CPNE3: variants seen among roughly 807,000 people sequenced by gnomAD.
CPNE3 encodes copine 3.
In CPNE3, 68 loss-of-function variants were observed where a neutral mutation model predicts 63.9. The observed-to-expected ratio is 1.06, with a 90% CI of 0.87 to 1.30. CPNE3 has a LOEUF of 1.30. Among genes scored for constraint, CPNE3 ranks in the 50% most tolerant of loss-of-function variants. The pLI is 0.00. For missense variants in CPNE3, 665 were observed against 578.1 expected, an observed-to-expected ratio of 1.15 and a Z score of -1.54; for synonymous variants, 219 against 197.5, an observed-to-expected ratio of 1.11 and a Z score of -0.91.
chr8:86,551,014 CAG>C, intron 12 of CPNE3, 30 bp from the exon 13 acceptor site: 3 of 1,519,208 alleles, frequency 2.0e-6, no homozygotes, highest in Non-Finnish European at 2.6e-6. Flanking sequence ...TTGGAAAAAA[CAG>C]TATTTTATTA....
Position 86,554,877 on chromosome 8 carries a change from C to G in CPNE3, c.1147C>G (p.Arg383Gly). The G allele has an allele frequency of 1.2e-6, 2 of 1,614,062 alleles. No homozygotes were observed. Among genetic ancestry groups the G allele is most frequent in the Non-Finnish European group, 8.5e-7 (1 of 1,179,968 alleles). Residue 383 changes from arginine to glycine, a missense_variant, in exon 15 of 17, where the codon CGG becomes GGG. Physicochemically the swap from Arg to Gly is moderately radical, Grantham distance 125. Coordinates refer to ENST00000517490, the MANE Select transcript of CPNE3 (RefSeq NM_003909.5). ...NGIQGIVEAY[R>G]SCLPQIKLYG... ...AATCCAAGGCATTGTAGAGGCGTATCGGTCTTGTCTTCCTCAGATAAAACT... is the reference window on the plus strand; with the variant it reads ...AATCCAAGGCATTGTAGAGGCGTATGGGTCTTGTCTTCCTCAGATAAAACT...
chr8:86,535,601 G>T (rs1232193221), intron 6 of CPNE3, among the ~76,000 whole-genome samples: 1 of 152,058 alleles, frequency 6.6e-6, no homozygotes. Flanking sequence ...CCAGGAGGGG[G>T]AGGTTACAGT....
intron 2 of CPNE3, among the ~76,000 whole-genome samples, chr8:86,523,895 G>A (rs1360950720): frequency 1.3e-5 from 2 of 152,280 alleles, no homozygotes; most frequent in East Asian, 3.9e-4. Flanking sequence ...GCCTGAAGTG[G>A]ATCTTGAAGA....
chr8:86,526,240 AT>A (rs1327297207), intron 2 of CPNE3, among the ~76,000 whole-genome samples: 2 of 152,026 alleles, frequency 1.3e-5, no homozygotes, highest in African/African-American at 4.8e-5. Context: ...AAAAAAAAAA[AT>A]TGGGTGTGTG....
At chr8:86,552,265 G>A (rs754415211) in intron 14 of CPNE3, among the ~76,000 whole-genome samples, 31 of 152,116 alleles carry the variant, frequency 2.0e-4, no homozygotes, top group Non-Finnish European at 2.8e-4. Context: ...AACAATTTTT[G>A]TGGCGGCCGT....
In CPNE3 at chr8:86,547,583, A is replaced by T. The variant is rs963720626; in HGVS notation, c.820-128A>T. 6 of 628,720 alleles carry T rather than the reference A, an allele frequency of 9.5e-6. No homozygotes were observed. The South Asian group carries it at 1.2e-4, about 12-fold the overall frequency. 38.9% of individuals were successfully genotyped at this position (628,720 alleles called of 1,614,324 possible). ...GAAGGGGTATCTTAAACCTGAATGC[A>T]GGGGTAATTTCCATGTTTATATCAT... On this transcript the variant is annotated intron_variant, in intron 10 of 16. Coordinates refer to ENST00000517490, the MANE Select transcript of CPNE3 (RefSeq NM_003909.5).
Position 86,551,058 on chromosome 8 carries a change from T to C in CPNE3, c.1026T>C (p.Phe342=), listed in dbSNP as rs906302857. 6.2e-7 allele frequency: 1 copy of C among 1,608,172 alleles called. No homozygotes were observed. Among genetic ancestry groups the C allele is most frequent in the Non-Finnish European group, 8.5e-7 (1 of 1,177,094 alleles). ...TTTTTCTTTTTAGTGATAAGATGTT[T>C]CCAGCTTTTGGTTTTGGCGCTCAGA... ...VIQDYDADKM[F]PAFGFGAQIP... The change falls in exon 13 of 17, where the codon TTT becomes TTC. Residue 342 remains phenylalanine (F), a synonymous_variant. Coordinates refer to ENST00000517490, the MANE Select transcript of CPNE3 (RefSeq NM_003909.5).
intron 2 of CPNE3, among the ~76,000 whole-genome samples, chr8:86,524,428 T>A (rs958651474): frequency 2.0e-5 from 3 of 152,232 alleles, no homozygotes; most frequent in Admixed American, 2.0e-4. Flanking sequence ...TATTTGGTGT[T>A]TCTAGGGATT....
intron 2 of CPNE3, among the ~76,000 whole-genome samples, chr8:86,527,839 A>C (rs998724130): frequency 6.6e-6 from 1 of 151,452 alleles, no homozygotes; most frequent in African/African-American, 2.4e-5. Context: ...TAAAAATAAA[A>C]CTTAATCTGT....
chr8:86,548,586 G>A (rs1821106287), intron 12 of CPNE3, 152 bp downstream of exon 12: 2 of 940,890 alleles, frequency 2.1e-6, no homozygotes, highest in Non-Finnish European at 3.1e-6. Flanking sequence ...TTTTCTCCTT[G>A]TGGCAATCTT....
At chr8:86,527,971 T>TA (rs1554600278) in intron 2 of CPNE3, among the ~76,000 whole-genome samples, 1 of 141,878 alleles carries the variant, frequency 7.0e-6, no homozygotes, top group African/African-American at 2.7e-5. Context: ...TTTTTTTTTT[T>TA]AGACAGAGTC....
At chr8:86,520,967 T>C (rs1312207076) in intron 2 of CPNE3, among the ~76,000 whole-genome samples, 1 of 152,162 alleles carries the variant, frequency 6.6e-6, no homozygotes, top group Admixed American at 6.6e-5. Flanking sequence ...TTGTTTTATG[T>C]ATATTTATGC....
chr8:86,525,560 A>G (rs1484813776), intron 2 of CPNE3, among the ~76,000 whole-genome samples: 3 of 152,196 alleles, frequency 2.0e-5, no homozygotes, highest in African/African-American at 7.2e-5. Flanking sequence ...CAGTAGTATA[A>G]CTGTCAGCAA....
rs1210353382 is a variant in CPNE3, at chr8:86,561,497, G to A, written c.*3087G>A. 1 of 152,096 alleles carries A rather than the reference G, an allele frequency of 6.6e-6. No individual in the cohort carries two copies. Among genetic ancestry groups the A allele is most frequent in the Non-Finnish European group, 1.5e-5 (1 of 68,022 alleles). 9.4% of individuals were successfully genotyped at this position (152,096 alleles called of 1,614,324 possible). A position where few individuals can be genotyped will look rare whatever the true frequency, so the allele number is the denominator to read the frequency against. ...AAAATAAAATATAGTGTTTTAGGTG[G>A]CCTTTGACTTCATATTTTACTGAAT... is the stretch of plus-strand genomic sequence containing the variant. On this transcript the variant is annotated 3_prime_UTR_variant, in exon 17 of 17. Coordinates refer to ENST00000517490, the MANE Select transcript of CPNE3 (RefSeq NM_003909.5).
At position 86,544,727 on chromosome 8, in the gene CPNE3, T is replaced by G; in HGVS notation, c.634-13T>G. 7.7e-7 allele frequency: 1 copy of G among 1,291,436 alleles called. No homozygotes were observed. The highest frequency in any genetic ancestry group is 1.0e-6 in the Non-Finnish European group (1 of 965,122). 80.0% of individuals were successfully genotyped at this position (1,291,436 alleles called of 1,614,324 possible). On this transcript the variant is annotated splice_polypyrimidine_tract_variant and intron_variant, in intron 8 of 16. Transcript: ENST00000517490. ...TATTGATTTTTATATATTTTTATTA[T>G]ATTTAATTTCAGGTGGAGTGTTATG...
chr8:86,540,147 G>A (rs1240982162), intron 7 of CPNE3, 98 bp from the exon 8 acceptor site: 43 of 729,074 alleles, frequency 5.9e-5, no homozygotes, highest in South Asian at 2.2e-4. Flanking sequence ...GGTGGAGGAC[G>A]AATGGTGAGA....
intron 2 of CPNE3, among the ~76,000 whole-genome samples, chr8:86,526,182 C>T (rs937400902): frequency 2.6e-5 from 4 of 151,606 alleles, no homozygotes; most frequent in Admixed American, 6.6e-5. Flanking sequence ...GAGCTGAGAT[C>T]GCGCCACTGC....
chr8:86,550,954 G>T, intron 12 of CPNE3, 92 bp from the exon 13 acceptor site: 1 of 1,253,080 alleles, frequency 8.0e-7, no homozygotes. Flanking sequence ...CATACTTTTT[G>T]AAATGAGCTC....
chr8:86,548,130 T>G (rs539546301), intron 11 of CPNE3, among the ~76,000 whole-genome samples, 171 bp from the exon 12 acceptor site: 2 of 152,208 alleles, frequency 1.3e-5, no homozygotes, highest in Non-Finnish European at 2.9e-5. Context: ...ATCAGGTTGT[T>G]TCACATTTAG....
Sources: allele counts gnomAD v4.1 joint callset (sites outside exome capture counted in the v4.1 genomes callset), GRCh38; gene constraint gnomAD v4.1.1; transcripts MANE v1.5; gene names NCBI Gene and HGNC (gene_info 2026-07-23, HGNC 2026-07-21).